PEX1: variants seen among roughly 807,000 people sequenced by gnomAD.
PEX1 encodes the protein peroxisomal biogenesis factor 1.
In PEX1, 97 loss-of-function variants were observed where a neutral mutation model predicts 152.5. That is an observed-to-expected ratio of 0.64 (90% CI 0.54 to 0.75). PEX1 has a LOEUF of 0.75. Ranked by LOEUF, PEX1 falls within the 30% of genes least tolerant of loss-of-function variation. The pLI, the probability that PEX1 is intolerant of heterozygous loss-of-function variation, is 0.00. For synonymous variants in PEX1, 485 were observed against 531.6 expected, an observed-to-expected ratio of 0.91 and a Z score of 1.21; for missense variants, 1,357 against 1,516.3, an observed-to-expected ratio of 0.89 and a Z score of 1.74.
intron 15 of PEX1, among the ~76,000 whole-genome samples, chr7:92,500,503 T>G (rs1191235788): frequency 6.6e-6 from 1 of 152,234 alleles, no homozygotes; most frequent in Non-Finnish European, 1.5e-5. Context: ...TGCATCTGGA[T>G]GTACTGAATC....
rs749324355 is a variant in PEX1 at position 92,489,784 on chromosome 7, G to A, written c.3566C>T (p.Thr1189Ile). Residue 1189 changes from threonine to isoleucine, a missense_variant, in exon 22 of 24, where the codon ACA (threonine) becomes ATA (isoleucine). Coordinates refer to ENST00000248633, the MANE Select transcript of PEX1 (RefSeq NM_000466.3). ...TASQEGCQEL[T>I]QEQRDQLRAD... ...CCTCAGTTGATCTCTTTGTTCTTGTGTAAGTTCTTGGCAACCCTCTTGTGA... is the reference window on the plus strand; with the variant it reads ...CCTCAGTTGATCTCTTTGTTCTTGTATAAGTTCTTGGCAACCCTCTTGTGA... The A allele has an allele frequency of 5.5e-5, 89 of 1,613,966 alleles. No individual in the cohort carries two copies. The highest frequency in any genetic ancestry group is 7.4e-5 in the Non-Finnish European group (87 of 1,180,010).
intron 17 of PEX1, 39 bp downstream of exon 17, chr7:92,496,674 C>T (rs761261593): frequency 1.6e-6 from 2 of 1,284,560 alleles, no homozygotes; most frequent in Non-Finnish European, 1.1e-6. Context: ...TAAATAATAA[C>T]AGAGTCAGTT....
chr7:92,488,544 G>A (rs1042436703), intron 23 of PEX1, among the ~76,000 whole-genome samples: 4 of 152,124 alleles, frequency 2.6e-5, no homozygotes, highest in African/African-American at 9.6e-5. Flanking sequence ...TAAATCCAAT[G>A]TATAACAAAT....
intron 23 of PEX1, among the ~76,000 whole-genome samples, chr7:92,488,473 G>T (rs1791060371): frequency 6.6e-6 from 1 of 152,122 alleles, no homozygotes; most frequent in Admixed American, 6.5e-5. Context: ...GACCTAGAAT[G>T]GTTCCCAGTC....
At chr7:92,527,200 T>G (rs778370995) in intron 1 of PEX1, among the ~76,000 whole-genome samples, 1 of 152,188 alleles carries the variant, frequency 6.6e-6, no homozygotes, top group Admixed American at 6.5e-5. Flanking sequence ...CAGTGATGAA[T>G]GTAAGGTAAC....
chr7:92,500,473 C>T (rs754893897), intron 15 of PEX1, among the ~76,000 whole-genome samples: 5 of 152,208 alleles, frequency 3.3e-5, no homozygotes, highest in Non-Finnish European at 7.3e-5. Flanking sequence ...TCAGCAGTTA[C>T]GCATATAGTC....
At chr7:92,499,898 TAGC>T (rs767784289) in intron 15 of PEX1, 60 bp from the exon 16 acceptor site, 438 of 1,393,448 alleles carry the variant, frequency 3.1e-4, no homozygotes, top group Non-Finnish European at 4.1e-4. Context: ...AATGACTAAG[TAGC>T]AGCTAAAGAT....
Position 92,495,078 on chromosome 7 carries a change from A to G in PEX1, c.2784-449T>C, listed in dbSNP as rs114607817. Among the ~76,000 whole-genome samples, 1,107 of 152,124 alleles carry G rather than the reference A, an allele frequency of 7.3e-3. 16 individuals are homozygous for G. The highest frequency in any genetic ancestry group is 0.025 in the African/African-American group (1,052 of 41,542). ...CCCTTCCTTCTTTTGTGAAATGCCT[A>G]TTCATTTATTTTGCCCATTCAAAAT... On this transcript the variant is annotated intron_variant, in intron 17 of 23. Transcript: ENST00000248633.
At chr7:92,493,737 T>C (rs1475614684) in intron 19 of PEX1, 1 of 153,774 alleles carries the variant, frequency 6.5e-6, no homozygotes, top group South Asian at 2.0e-4. Flanking sequence ...GCCAAGAAGG[T>C]ATTTCAAAAG....
intron 5 of PEX1, among the ~76,000 whole-genome samples, 188 bp from the exon 6 acceptor site, chr7:92,514,155 C>G (rs1792612422): frequency 6.6e-6 from 1 of 152,138 alleles, no homozygotes; most frequent in Admixed American, 6.5e-5. Context: ...GGGTGGCTAA[C>G]AAACGACAGA....
intron 17 of PEX1, among the ~76,000 whole-genome samples, chr7:92,496,108 T>G (rs144703469): frequency 6.6e-6 from 1 of 152,274 alleles, no homozygotes; most frequent in East Asian, 1.9e-4. Context: ...GTATTCATTT[T>G]ATTATTCTTC....
chr7:92,528,391 C>T lies in PEX1; in HGVS notation c.45G>A (p.Ala15=), dbSNP rs1452463696. Residue 15 remains alanine (A), a synonymous_variant, in exon 1 of 24, where the codon GCG becomes GCA. Transcript: ENST00000248633. ...DRLAGAGGGG[A]AVTVAFTNAR... ...CGTTGGTGAAGGCCACAGTCACTGC[C>T]GCCCCGCCTCCCCCAGCACCCGCCA... 3.8e-6 allele frequency: 6 copies of T among 1,593,268 alleles called. No homozygotes were observed. The highest frequency in any genetic ancestry group is 4.3e-6 in the Non-Finnish European group (5 of 1,171,426).
At position 92,489,700 on chromosome 7, in the gene PEX1, G is replaced by A. The variant is rs767898582; in HGVS notation, c.3636+14C>T. The stretch of plus-strand genomic sequence containing the variant: ...GAAGTTTTAACAATTATAATGAGGG[G>A]GAAAAAGCCATACTCCACTTTGGCT... On this transcript the variant is annotated intron_variant, in intron 22 of 23. Transcript: ENST00000248633. 33 of 1,606,362 alleles carry A rather than the reference G, an allele frequency of 2.1e-5. No individual in the cohort carries two copies. The highest frequency in any genetic ancestry group is 2.7e-5 in the Non-Finnish European group (32 of 1,173,116).
In PEX1 at chr7:92,522,331, C is replaced by T; in HGVS notation, c.130-86G>A. On this transcript the variant is annotated intron_variant, in intron 1 of 23. Transcript: ENST00000248633. ...GAAAATAAACTATTATTACAATTCACATGTCCAAAAAGAGTTCTATAGATA... is the reference window on the plus strand; with the variant it reads ...GAAAATAAACTATTATTACAATTCATATGTCCAAAAAGAGTTCTATAGATA... 4 of 1,332,352 alleles carry T rather than the reference C, an allele frequency of 3.0e-6. No homozygotes were observed. The South Asian group carries it at 3.6e-5, about 12-fold the overall frequency. The allele number at this position is 1,332,352 out of a possible 1,614,324, so 82.5% of individuals were successfully genotyped here. A position where few individuals can be genotyped will look rare whatever the true frequency, so the allele number is the denominator to read the frequency against.
chr7:92,527,872 G>A (rs1392823256), intron 1 of PEX1, among the ~76,000 whole-genome samples: 1 of 152,266 alleles, frequency 6.6e-6, no homozygotes. Flanking sequence ...GGGACGCGGT[G>A]CTTAGTCCCC....
chr7:92,516,055 A>AAAAAGAAAAGAAAAGAAAAG lies in PEX1; in HGVS notation c.1239+1201_1239+1220dup, dbSNP rs58641640. Among the ~76,000 whole-genome samples the AAAAAGAAAAGAAAAGAAAAG allele has an allele frequency of 9.0e-4, 77 of 85,780 alleles. 1 individual carries two copies. Among genetic ancestry groups the AAAAAGAAAAGAAAAGAAAAG allele is most frequent in the Middle Eastern group, 5.7e-3 (1 of 176 alleles). 56.3% of individuals were successfully genotyped at this position (85,780 alleles called of 152,430 possible). A position where few individuals can be genotyped will look rare whatever the true frequency, so the allele number is the denominator to read the frequency against. ...AGAGAAGAGAAGAGAAGAGAAGAGA[A>AAAAAGAAAAGAAAAGAAAAG]AAAAGAAAAGAAAAGAAAAGAAAAG... is the stretch of plus-strand genomic sequence containing the variant. On this transcript the variant is annotated intron_variant, in intron 5 of 23. Coordinates refer to ENST00000248633, the MANE Select transcript of PEX1 (RefSeq NM_000466.3).
chr7:92,498,834 C>A (rs1250623217), intron 16 of PEX1, among the ~76,000 whole-genome samples: 1 of 152,210 alleles, frequency 6.6e-6, no homozygotes, highest in African/African-American at 2.4e-5. Context: ...ACCCCAGCTT[C>A]CTGCCTCAGT....
At chr7:92,501,469 T>C in intron 15 of PEX1, 38 bp downstream of exon 15, 1 of 1,559,496 alleles carries the variant, frequency 6.4e-7, no homozygotes, top group Non-Finnish European at 8.8e-7. Flanking sequence ...GTGGTTCTTC[T>C]GGGAGTAAGT....
At chr7:92,521,339 T>C (rs1051165532) in intron 2 of PEX1, among the ~76,000 whole-genome samples, 3 of 152,194 alleles carry the variant, frequency 2.0e-5, no homozygotes, top group Admixed American at 6.5e-5. Flanking sequence ...AAGATAGACA[T>C]AGGTATTCAA....
Sources: allele counts gnomAD v4.1 joint callset (sites outside exome capture counted in the v4.1 genomes callset), GRCh38; gene constraint gnomAD v4.1.1; transcripts MANE v1.5; gene names NCBI Gene and HGNC (gene_info 2026-07-23, HGNC 2026-07-21).